Variants in TEKT1 observed in about 807,000 individuals in gnomAD.
TEKT1 encodes tektin 1.
In TEKT1, 32 loss-of-function variants were observed where a neutral mutation model predicts 34.8. That is an observed-to-expected ratio of 0.92 (90% CI 0.69 to 1.23). TEKT1 has a LOEUF of 1.23. Ranked by LOEUF, TEKT1 falls within the 50% of genes most tolerant of loss-of-function variation. The pLI, the probability that TEKT1 is intolerant of heterozygous loss-of-function variation, is 0.00. For synonymous variants in TEKT1, 207 were observed against 199.8 expected (o/e 1.04, Z -0.30); for missense variants, 492 against 518.5 (o/e 0.95, Z 0.50).
chr17:6,800,310 G>C (rs1381389855), intron 7 of TEKT1, 76 bp from the exon 8 acceptor site: 3 of 1,397,698 alleles, frequency 2.1e-6, no homozygotes, highest in Admixed American at 2.0e-5. Flanking sequence ...ATGTTCCCCA[G>C]TGTTCAGTGC....
intron 2 of TEKT1, 127 bp from the exon 3 acceptor site, chr17:6,819,485 T>C: frequency 1.1e-6 from 1 of 886,516 alleles, no homozygotes; most frequent in Non-Finnish European, 1.6e-6. Flanking sequence ...GCTGTGCTAT[T>C]TGGGGCATCT....
Position 6,830,253 on chromosome 17 carries a change from G to A in TEKT1, c.124C>T (p.Gln42Ter). 6.2e-7 allele frequency: 1 copy of A among 1,613,056 alleles called. No homozygotes were observed. The highest frequency in any genetic ancestry group is 8.5e-7 in the Non-Finnish European group (1 of 1,179,848). Residue 42 changes from glutamine to a stop codon, truncating the protein, a stop_gained, in exon 2 of 8, where the codon CAG becomes TAG. Coordinates refer to ENST00000338694, the MANE Select transcript of TEKT1 (RefSeq NM_053285.2). LOFTEE classifies it high-confidence loss of function. The part of the protein sequence containing the change: ...SRSERLVAES[Q>*]RLVDEIEKTT... ...TTTTCAATTTCATCCACAAGCCTCT[G>A]GCTTTCTGCGACCAGGCGTTCTGAT...
intron 6 of TEKT1, among the ~76,000 whole-genome samples, chr17:6,810,801 C>T (rs1976916739): frequency 6.6e-6 from 1 of 152,164 alleles, no homozygotes; most frequent in Admixed American, 6.5e-5. Context: ...CACAATGGCA[C>T]AATCTCGGCT....
rs923060412 is a variant in TEKT1, at chr17:6,798,108, T to C, written c.*1919A>G. The C allele has an allele frequency of 2.0e-5, 3 of 152,250 alleles. No individual in the cohort carries two copies. Among genetic ancestry groups the C allele is most frequent in the African/African-American group, 7.2e-5 (3 of 41,464 alleles). 9.4% of individuals were successfully genotyped at this position (152,250 alleles called of 1,614,324 possible). ...TCACATTTCCCTTAAAAGCAGCATG[T>C]TCCAGACACTGTGTTGAGAGTCTTC... On this transcript the variant is annotated 3_prime_UTR_variant, in exon 8 of 8. Coordinates refer to ENST00000338694, the MANE Select transcript of TEKT1 (RefSeq NM_053285.2).
intron 2 of TEKT1, among the ~76,000 whole-genome samples, chr17:6,820,988 G>A (rs766381702): frequency 6.6e-6 from 1 of 152,148 alleles, no homozygotes; most frequent in Non-Finnish European, 1.5e-5. Flanking sequence ...TTGGAATTGT[G>A]ATTGTGTCCC....
intron 6 of TEKT1, among the ~76,000 whole-genome samples, chr17:6,804,790 C>CT (rs1233872309): frequency 4.6e-5 from 7 of 152,122 alleles, no homozygotes; most frequent in African/African-American, 1.7e-4. Context: ...TTGAACCAGC[C>CT]TTGCATCCCA....
rs1389073206 is a variant in TEKT1 at position 6,811,169 on chromosome 17, CAAGGCCTATACT to C, written c.852+1650_852+1661del. Among the ~76,000 whole-genome samples, 2 of 152,186 alleles carry C rather than the reference CAAGGCCTATACT, an allele frequency of 1.3e-5. No homozygotes were observed. The highest frequency in any genetic ancestry group is 2.4e-5 in the African/African-American group (1 of 41,456). ...TCTGTCCTATCTCAGATCCATCTTT[CAAGGCCTATACT>C]AAGTTCTTATTCCACCAGGAAGTCT... On this transcript the variant is annotated intron_variant, in intron 6 of 7. Coordinates refer to ENST00000338694, the MANE Select transcript of TEKT1 (RefSeq NM_053285.2). The surrounding 1 kb of genome is among the most constrained non-coding windows in gnomAD (Gnocchi z 4.4).
In TEKT1 at chr17:6,799,406, C is replaced by T. The variant is rs1406514675; in HGVS notation, c.*621G>A. ...CACAATGGCTCACATTCATTAAACA[C>T]TCACTGCCCCATGATACAGGCTCAG... On this transcript the variant is annotated 3_prime_UTR_variant, in exon 8 of 8. Transcript: ENST00000338694. 1.3e-5 allele frequency: 2 copies of T among 152,174 alleles called. No homozygotes were observed. The highest frequency in any genetic ancestry group is 3.9e-4 in the East Asian group (2 of 5,186). 9.4% of individuals were successfully genotyped at this position (152,174 alleles called of 1,614,324 possible).
At chr17:6,802,660 G>T (rs1231989882) in intron 6 of TEKT1, among the ~76,000 whole-genome samples, 2 of 138,342 alleles carry the variant, frequency 1.4e-5, no homozygotes, top group African/African-American at 5.4e-5. Context: ...AGGCCCTGGT[G>T]TGTGATGTTC....
chr17:6,820,127 G>T (rs1323078848), intron 2 of TEKT1, among the ~76,000 whole-genome samples: 5 of 151,890 alleles, frequency 3.3e-5, no homozygotes, highest in Non-Finnish European at 7.4e-5. Flanking sequence ...CAATATAGTT[G>T]TATCACCATT....
Position 6,798,984 on chromosome 17 carries a change from A to G in TEKT1, c.*1043T>C, listed in dbSNP as rs1054880431. On this transcript the variant is annotated 3_prime_UTR_variant, in exon 8 of 8. Coordinates refer to ENST00000338694, the MANE Select transcript of TEKT1 (RefSeq NM_053285.2). The stretch of plus-strand genomic sequence containing the variant: ...GAACCAAATGTTAGCAGAGTGTAGC[A>G]GCAGCTTCACACATGGGAGGGTGCT... 1.3e-5 allele frequency: 2 copies of G among 152,340 alleles called. No individual in the cohort carries two copies. Among genetic ancestry groups the G allele is most frequent in the East Asian group, 3.9e-4 (2 of 5,188 alleles). The allele number at this position is 152,340 out of a possible 1,614,324, so 9.4% of individuals were successfully genotyped here. A position where few individuals can be genotyped will look rare whatever the true frequency, so the allele number is the denominator to read the frequency against.
In TEKT1 at chr17:6,800,004, G is replaced by T; in HGVS notation, c.*23C>A. 2 of 1,591,636 alleles carry T rather than the reference G, an allele frequency of 1.3e-6. No individual in the cohort carries two copies. The highest frequency in any genetic ancestry group is 2.2e-5 in the South Asian group (2 of 89,680). On this transcript the variant is annotated 3_prime_UTR_variant, in exon 8 of 8. Coordinates refer to ENST00000338694, the MANE Select transcript of TEKT1 (RefSeq NM_053285.2). ...ACTACTGTTTACAATGTGGTTTAAT[G>T]AGAATTGGAACTAGCCCTACTATTA...
intron 6 of TEKT1, 78 bp downstream of exon 6, chr17:6,812,753 G>C (rs911374650): frequency 2.1e-6 from 3 of 1,418,498 alleles, no homozygotes; most frequent in Non-Finnish European, 2.9e-6. Flanking sequence ...TAGCGGTCTG[G>C]CCCAGGGGGC....
At position 6,828,414 on chromosome 17, in the gene TEKT1, G is replaced by A. The variant is rs77494330; in HGVS notation, c.190+1773C>T. 7.7e-3 allele frequency among the ~76,000 whole-genome samples: 1,168 copies of A among 152,264 alleles called. 11 individuals are homozygous for A. The highest frequency in any genetic ancestry group is 0.025 in the African/African-American group (1,031 of 41,548). ...TTAGAAAACTACAGTCCTCAGACCA[G>A]GTTTGATCCATAAACGTGTTTGTTC... On this transcript the variant is annotated intron_variant, in intron 2 of 7. Coordinates refer to ENST00000338694, the MANE Select transcript of TEKT1 (RefSeq NM_053285.2).
At chr17:6,813,255 T>G (rs1302526983) in intron 5 of TEKT1, among the ~76,000 whole-genome samples, 1 of 152,176 alleles carries the variant, frequency 6.6e-6, no homozygotes, top group Admixed American at 6.5e-5. Context: ...TGGCACCTTA[T>G]AGACATTATC....
At chr17:6,804,756 A>T (rs1429600463) in intron 6 of TEKT1, among the ~76,000 whole-genome samples, 1 of 152,098 alleles carries the variant, frequency 6.6e-6, no homozygotes, top group Non-Finnish European at 1.5e-5. Context: ...TATATGCTGG[A>T]TTATGTTTAT....
chr17:6,805,110 G>A (rs937263448), intron 6 of TEKT1, among the ~76,000 whole-genome samples: 3 of 152,076 alleles, frequency 2.0e-5, no homozygotes, highest in Non-Finnish European at 4.4e-5. Context: ...TTTTTTGGTT[G>A]GTAAGCTATT....
intron 6 of TEKT1, among the ~76,000 whole-genome samples, chr17:6,803,361 C>G (rs909879259): frequency 6.6e-6 from 1 of 151,950 alleles, no homozygotes; most frequent in African/African-American, 2.4e-5. Flanking sequence ...GGATATTAGC[C>G]CTTTGTCAGA....
chr17:6,826,722 G>C (rs1904414217), intron 2 of TEKT1, among the ~76,000 whole-genome samples: 1 of 150,406 alleles, frequency 6.6e-6, no homozygotes, highest in Non-Finnish European at 1.5e-5. Flanking sequence ...TTGCGACGGA[G>C]TCTTGCTCTG....
Sources: gnomAD v4.1 joint callset for allele counts (sites outside exome capture counted in the v4.1 genomes callset) on GRCh38, gnomAD v4.1.1 for gene constraint, Gnocchi (gnomAD v3.1) non-coding constraint, MANE v1.5 for transcripts, NCBI Gene and HGNC (gene_info 2026-07-23, HGNC 2026-07-21) for gene names.